Variants in MICAL2 observed in about 807,000 individuals in gnomAD.
MICAL2 encodes microtubule associated monooxygenase, calponin and LIM domain containing 2, also known as [F-actin]-monooxygenase MICAL2.
Under a neutral mutation model 127.3 loss-of-function variants are expected in MICAL2, and 77 were observed. That is an observed-to-expected ratio of 0.60 (90% CI 0.50 to 0.73). The LOEUF is 0.73. Ranked by LOEUF, MICAL2 falls within the 30% of genes least tolerant of loss-of-function variation. The pLI, the probability that MICAL2 is intolerant of heterozygous loss-of-function variation, is 0.00. For missense variants in MICAL2, 1,351 were observed against 1,434.4 expected (o/e 0.94, Z 0.94); for synonymous variants, 570 against 551.1 (o/e 1.03, Z -0.48).
intron 29 of MICAL2, among the ~76,000 whole-genome samples, chr11:12,302,961 C>T (rs1441698969): frequency 1.3e-5 from 2 of 152,146 alleles, no homozygotes; most frequent in Non-Finnish European, 2.9e-5. Flanking sequence ...TTCCACATTG[C>T]CAGGGAGGCC....
At chr11:12,213,161 G>A in intron 6 of MICAL2, 94 bp from the exon 7 acceptor site, 1 of 1,403,054 alleles carries the variant, frequency 7.1e-7, no homozygotes, top group Non-Finnish European at 9.7e-7. Flanking sequence ...TCACTGGCCT[G>A]GGAGGCATCT....
intron 32 of MICAL2, among the ~76,000 whole-genome samples, chr11:12,331,102 T>A (rs1454684565): frequency 6.6e-6 from 1 of 152,100 alleles, no homozygotes; most frequent in Admixed American, 6.5e-5. Flanking sequence ...TAGACTCTTA[T>A]TGGTTGAGGC....
intron 21 of MICAL2, 86 bp from the exon 22 acceptor site, chr11:12,249,098 G>T: frequency 6.3e-7 from 1 of 1,576,378 alleles, no homozygotes; most frequent in Admixed American, 1.7e-5. Context: ...GAAGTATCCT[G>T]TAAAGCTTCT....
intron 1 of MICAL2, among the ~76,000 whole-genome samples, chr11:12,114,057 C>G (rs1159649): frequency 0.31 from 46,664 of 152,094 alleles, 7,226 homozygotes; most frequent in South Asian, 0.36. Flanking sequence ...GCAGTCCTCT[C>G]TCAAAAATAT....
intron 1 of MICAL2, among the ~76,000 whole-genome samples, chr11:12,120,822 C>T (rs539981221): frequency 6.6e-6 from 1 of 152,248 alleles, no homozygotes; most frequent in African/African-American, 2.4e-5. Context: ...ACCCAGCGGA[C>T]TGTGGGAAGC....
chr11:12,327,107 A>G (rs1864361488), intron 31 of MICAL2: 1 of 1,399,160 alleles, frequency 7.1e-7, no homozygotes, highest in Non-Finnish European at 9.9e-7. Flanking sequence ...AGTAAGTGGC[A>G]GAATCAGCCC....
chr11:12,164,578 C>T (rs1855247433), intron 3 of MICAL2, among the ~76,000 whole-genome samples: 1 of 152,170 alleles, frequency 6.6e-6, no homozygotes, highest in Non-Finnish European at 1.5e-5. Flanking sequence ...CCATGCTTCC[C>T]TCCTGCAAAC....
chr11:12,282,428 C>T (rs1863782647), intron 2 of MICAL2, among the ~76,000 whole-genome samples: 1 of 152,122 alleles, frequency 6.6e-6, no homozygotes, highest in African/African-American at 2.4e-5. Context: ...CATCCCTTCC[C>T]TCCATTTCCC....
At chr11:12,138,493 C>T (rs756181011) in intron 2 of MICAL2, 33 bp downstream of exon 2, 10 of 152,188 alleles carry the variant, frequency 6.6e-5, no homozygotes, top group Admixed American at 1.3e-4. Context: ...TCTTGTTTAC[C>T]GTGGAGTAGC....
intron 22 of MICAL2, among the ~76,000 whole-genome samples, chr11:12,251,176 A>G (rs985329204): frequency 3.3e-5 from 5 of 151,466 alleles, no homozygotes; most frequent in Middle Eastern, 3.4e-3. Context: ...ACAGGCCATA[A>G]TGGATTAAAT....
chr11:12,155,988 C>A (rs1854148669), intron 2 of MICAL2, among the ~76,000 whole-genome samples: 1 of 152,204 alleles, frequency 6.6e-6, no homozygotes. Context: ...TATGAGGCGC[C>A]TTCAAGCTAG....
At chr11:12,355,615 A>C (rs1408268701) in intron 34 of MICAL2, among the ~76,000 whole-genome samples, 1 of 152,226 alleles carries the variant, frequency 6.6e-6, no homozygotes, top group Non-Finnish European at 1.5e-5. Flanking sequence ...GAGGTTGCCC[A>C]GTATAGGGCA....
At chr11:12,170,065 C>T (rs1292299467) in intron 3 of MICAL2, among the ~76,000 whole-genome samples, 2 of 152,090 alleles carry the variant, frequency 1.3e-5, no homozygotes, top group Non-Finnish European at 1.5e-5. Context: ...TTACTGCCAT[C>T]CTTGTAACAA....
At chr11:12,258,297 C>A (rs1215650062) in intron 24 of MICAL2, among the ~76,000 whole-genome samples, 171 bp from the exon 25 acceptor site, 1 of 152,188 alleles carries the variant, frequency 6.6e-6, no homozygotes, top group Non-Finnish European at 1.5e-5. Flanking sequence ...TATCTCAGTG[C>A]CACTTCTTTA....
At chr11:12,280,940 A>C (rs1185571638) in exon 2 of MICAL2, 1 of 398,976 alleles carries the variant, frequency 2.5e-6, no homozygotes, top group Non-Finnish European at 4.4e-6. Context: ...CAGCTCTGAC[A>C]CAGAGTCTGA....
At chr11:12,241,920 GT>G (rs909356355) in intron 18 of MICAL2, among the ~76,000 whole-genome samples, 9 of 151,164 alleles carry the variant, frequency 6.0e-5, no homozygotes, top group African/African-American at 1.5e-4. Flanking sequence ...AGGCTTGGGT[GT>G]TTTTTTTTAA....
At chr11:12,293,358 G>A (rs1446295921), downstream of MICAL2, among the ~76,000 whole-genome samples, 2 of 152,062 alleles carry the variant, frequency 1.3e-5, no homozygotes, top group African/African-American at 4.8e-5. Context: ...GGGGTTCCAG[G>A]CAGATCCTGG....
chr11:12,358,606 T>C (rs1234232387), downstream of MICAL2: 1 of 888,868 alleles, frequency 1.1e-6, no homozygotes, highest in Non-Finnish European at 1.6e-6. Context: ...ACTGCATTTT[T>C]TAAAATTAAA....
Position 12,201,456 on chromosome 11 carries a change from C to T in MICAL2, c.265-2794C>T, listed in dbSNP as rs1368183500. On this transcript the variant is annotated intron_variant, in intron 3 of 27. Coordinates refer to ENST00000683283, the MANE Select transcript of MICAL2 (RefSeq NM_001282663.2). ...GCAGAAGGGCAGTTACCAGATGCCT[C>T]TGCAATGTCAAGCAGTGAGGAGTGG... Among the ~76,000 whole-genome samples, 5 of 151,542 alleles carry T rather than the reference C, an allele frequency of 3.3e-5. No individual in the cohort carries two copies. The East Asian group carries it at 7.9e-4, about 24-fold the overall frequency.
Sources: gnomAD v4.1 joint callset for allele counts (sites outside exome capture counted in the v4.1 genomes callset) on GRCh38, gnomAD v4.1.1 for gene constraint, MANE v1.5 for transcripts, NCBI Gene and HGNC (gene_info 2026-07-23, HGNC 2026-07-21) for gene names.